Variants in MYO3A observed in about 807,000 individuals in gnomAD.
MYO3A encodes myosin-IIIa.
In MYO3A, 180 loss-of-function variants were observed where a neutral mutation model predicts 192.7. The observed-to-expected ratio is 0.93, with a 90% CI of 0.83 to 1.06. The LOEUF (loss-of-function observed/expected upper bound fraction) is 1.06, where lower values mean the gene tolerates loss of function less well. Among genes scored for constraint, MYO3A ranks in the 50% least tolerant of loss-of-function variants. MYO3A has a pLI of 0.00. For missense variants in MYO3A, 1,896 were observed against 1,905.0 expected, an observed-to-expected ratio of 1.00 and a Z score of 0.09; for synonymous variants, 628 against 645.3, an observed-to-expected ratio of 0.97 and a Z score of 0.41.
chr10:26,120,900 C>A, intron 18 of MYO3A, 98 bp downstream of exon 18: 1 of 1,463,606 alleles, frequency 6.8e-7, no homozygotes, highest in South Asian at 1.2e-5. Flanking sequence ...TTGTGCTAAC[C>A]TAGAATCCTT....
chr10:25,968,735 C>G (rs1838415390), intron 4 of MYO3A, among the ~76,000 whole-genome samples: 1 of 152,202 alleles, frequency 6.6e-6, no homozygotes, highest in Non-Finnish European at 1.5e-5. Flanking sequence ...CAGAAATAAA[C>G]AATTCACATT....
At chr10:26,024,181 G>C in intron 9 of MYO3A, 94 bp downstream of exon 9, 3 of 1,194,950 alleles carry the variant, frequency 2.5e-6, no homozygotes, top group Non-Finnish European at 1.2e-6. Flanking sequence ...AACAGCCCCA[G>C]AGATTTCTAT....
chr10:25,986,948 C>T (rs1290480152), intron 4 of MYO3A, among the ~76,000 whole-genome samples: 1 of 152,092 alleles, frequency 6.6e-6, no homozygotes. Flanking sequence ...ATCACATTAC[C>T]CAACTTCAAA....
At chr10:26,100,725 C>T (rs1356945683) in intron 17 of MYO3A, among the ~76,000 whole-genome samples, 2 of 152,274 alleles carry the variant, frequency 1.3e-5, no homozygotes, top group East Asian at 1.9e-4. Context: ...TTTCTTAATC[C>T]TGAGTTCTAG....
intron 4 of MYO3A, among the ~76,000 whole-genome samples, chr10:25,961,052 A>T (rs1309489061): frequency 6.6e-6 from 1 of 152,210 alleles, no homozygotes; most frequent in East Asian, 1.9e-4. Flanking sequence ...TTGTGTTTGC[A>T]TATTTGAGAA....
chr10:26,076,380 T>C (rs1489809794), intron 14 of MYO3A, among the ~76,000 whole-genome samples: 1 of 152,182 alleles, frequency 6.6e-6, no homozygotes, highest in Non-Finnish European at 1.5e-5. Context: ...TTGAGTTCAT[T>C]GTAGATTTTG....
chr10:26,029,465 T>C (rs1842710541), intron 10 of MYO3A, among the ~76,000 whole-genome samples: 1 of 152,246 alleles, frequency 6.6e-6, no homozygotes, highest in Non-Finnish European at 1.5e-5. Flanking sequence ...TCTGCTATAT[T>C]CTGAATGAAT....
Position 26,034,666 on chromosome 10 carries a change from A to C in MYO3A, c.953+8134A>C, listed in dbSNP as rs75092643. Among the ~76,000 whole-genome samples, 634 of 152,280 alleles carry C rather than the reference A, an allele frequency of 4.2e-3. 10 individuals carry two copies. The East Asian group carries it at 0.051, about 12-fold the overall frequency. On this transcript the variant is annotated intron_variant, in intron 10 of 34. Transcript: ENST00000642920. ...GACCAGATCTAGTCGCTAGTCTAGA[A>C]AAAAATAGAAAAGGAGCTACAGTTC...
At chr10:25,945,404 G>A (rs749670271) in intron 2 of MYO3A, among the ~76,000 whole-genome samples, 4 of 151,768 alleles carry the variant, frequency 2.6e-5, no homozygotes, top group Admixed American at 6.6e-5. Flanking sequence ...AGTGTTGATC[G>A]TGTCCTTTAT....
chr10:26,001,016 C>T (rs1027948788), intron 6 of MYO3A, among the ~76,000 whole-genome samples: 4 of 152,122 alleles, frequency 2.6e-5, no homozygotes, highest in African/African-American at 9.7e-5. Flanking sequence ...AAGCACATCT[C>T]GTGAGAACTC....
chr10:26,139,235 A>T (rs1386378700), intron 20 of MYO3A, among the ~76,000 whole-genome samples: 3 of 152,148 alleles, frequency 2.0e-5, no homozygotes, highest in African/African-American at 7.2e-5. Flanking sequence ...AAAATAGATT[A>T]AAAATATATA....
chr10:25,948,134 T>C (rs1256908381), intron 2 of MYO3A, among the ~76,000 whole-genome samples: 1 of 152,122 alleles, frequency 6.6e-6, no homozygotes, highest in Non-Finnish European at 1.5e-5. Flanking sequence ...TGTCAATATC[T>C]GGAGAAAGAG....
chr10:25,962,568 T>A (rs988288838), intron 4 of MYO3A, among the ~76,000 whole-genome samples: 8 of 152,232 alleles, frequency 5.3e-5, no homozygotes, highest in Non-Finnish European at 1.2e-4. Flanking sequence ...CTATGCCTCA[T>A]TTTGAAATAC....
At chr10:25,975,402 G>A (rs1420083748) in intron 4 of MYO3A, among the ~76,000 whole-genome samples, 1 of 152,156 alleles carries the variant, frequency 6.6e-6, no homozygotes, top group African/African-American at 2.4e-5. Flanking sequence ...TCTCAAAAGG[G>A]CTGCTTTCTG....
chr10:26,090,972 A>ACAC (rs902643335), intron 15 of MYO3A, among the ~76,000 whole-genome samples: 49 of 152,302 alleles, frequency 3.2e-4, no homozygotes, highest in African/African-American at 1.1e-3. Flanking sequence ...CCCTAATGGG[A>ACAC]CACAGCCAGT....
At chr10:26,095,863 A>G (rs1232422293) in intron 15 of MYO3A, among the ~76,000 whole-genome samples, 3 of 152,232 alleles carry the variant, frequency 2.0e-5, no homozygotes, top group African/African-American at 7.2e-5. Context: ...TTGGGGTCAA[A>G]TAGACCTGAT....
In MYO3A at chr10:26,004,078, A is replaced by G. The variant is rs550135779; in HGVS notation, c.508+6820A>G. Among the ~76,000 whole-genome samples, 10 of 152,320 alleles carry G rather than the reference A, an allele frequency of 6.6e-5. No homozygotes were observed. The South Asian group carries it at 8.3e-4, about 13-fold the overall frequency. On this transcript the variant is annotated intron_variant, in intron 6 of 34. Coordinates refer to ENST00000642920, the MANE Select transcript of MYO3A (RefSeq NM_017433.5). Reference sequence around the variant, plus strand: ...ACAAAAGCCATTGGGTGGGACAAGCAAGCATGGGAGTCCAGGTGCAGCTCA... The same window carrying G: ...ACAAAAGCCATTGGGTGGGACAAGCGAGCATGGGAGTCCAGGTGCAGCTCA...
At chr10:26,061,541 T>C (rs1029533117) in intron 10 of MYO3A, among the ~76,000 whole-genome samples, 1 of 152,210 alleles carries the variant, frequency 6.6e-6, no homozygotes, top group African/African-American at 2.4e-5. Context: ...AGAGCCCTTC[T>C]GTACGGAGCT....
chr10:25,945,230 TTAGCA>T (rs60857139), intron 2 of MYO3A, among the ~76,000 whole-genome samples: 12,291 of 152,000 alleles, frequency 0.081, 628 homozygotes, highest in African/African-American at 0.14. Flanking sequence ...TAAAGGATAT[TTAGCA>T]TAGCATGTTT....
Sources: gnomAD v4.1 joint callset for allele counts (sites outside exome capture counted in the v4.1 genomes callset) on GRCh38, gnomAD v4.1.1 for gene constraint, MANE v1.5 for transcripts, NCBI Gene and HGNC (gene_info 2026-07-23, HGNC 2026-07-21) for gene names.